PTGFRN: variants seen among roughly 807,000 people sequenced by gnomAD.
The protein encoded by PTGFRN is prostaglandin F2 receptor negative regulator.
PTGFRN carries 35 observed loss-of-function variants against 83.2 expected under a neutral mutation model. The observed-to-expected ratio is 0.42, with a 90% CI of 0.32 to 0.56. PTGFRN has a LOEUF of 0.56. Ranked by LOEUF, PTGFRN falls within the 20% of genes least tolerant of loss-of-function variation. The pLI is 0.11. For synonymous variants in PTGFRN, 519 were observed against 498.6 expected, an observed-to-expected ratio of 1.04 and a Z score of -0.55; for missense variants, 1,051 against 1,179.5, an observed-to-expected ratio of 0.89 and a Z score of 1.60.
At chr1:116,939,066 C>T (rs1479644135) in intron 1 of PTGFRN, among the ~76,000 whole-genome samples, 2 of 152,246 alleles carry the variant, frequency 1.3e-5, no homozygotes, top group African/African-American at 4.8e-5. Context: ...AGGGTACTGC[C>T]TCCCTCCCGG....
chr1:116,923,902 C>T lies in PTGFRN; in HGVS notation c.49+13650C>T, dbSNP rs1649593699. ...ACCTAAAAACATAGATCGACACAGT[C>T]CTTTGACTCCTCCAGCAACCAGTCT... On this transcript the variant is annotated intron_variant, in intron 1 of 8. Transcript: ENST00000393203. The surrounding 1 kb of genome is among the most constrained non-coding windows in gnomAD (Gnocchi z 4.0). Among the ~76,000 whole-genome samples the T allele has an allele frequency of 6.6e-6, 1 of 152,186 alleles. No homozygotes were observed. Among genetic ancestry groups the T allele is most frequent in the African/African-American group, 2.4e-5 (1 of 41,522 alleles).
intron 1 of PTGFRN, among the ~76,000 whole-genome samples, chr1:116,920,360 C>G (rs1649507879): frequency 6.6e-6 from 1 of 152,212 alleles, no homozygotes; most frequent in African/African-American, 2.4e-5. Flanking sequence ...CGTATCATTA[C>G]CAATTTTCTT....
chr1:116,960,746 G>A (rs1170485449), intron 4 of PTGFRN, among the ~76,000 whole-genome samples: 1 of 152,184 alleles, frequency 6.6e-6, no homozygotes, highest in East Asian at 1.9e-4. Context: ...GCATGGCCAA[G>A]GATGACAGGA....
rs1243683216 is a variant in PTGFRN, at chr1:116,958,250, G to C, written c.1214-2993G>C. On this transcript the variant is annotated intron_variant, in intron 4 of 8. Transcript: ENST00000393203. This position sits in a 1 kb window ranked among gnomAD's most constrained non-coding sequence, Gnocchi z 4.9. ...GTTTTGGATCACACTGGTCAGTCAG[G>C]CTGAGGCGAGGGCCTGCAGGGAGCT... Among the ~76,000 whole-genome samples, 1 of 152,210 alleles carries C rather than the reference G, an allele frequency of 6.6e-6. No homozygotes were observed. The highest frequency in any genetic ancestry group is 6.5e-5 in the Admixed American group (1 of 15,284).
chr1:116,983,498 CAAAAAAAAAAAA>C (rs71096893), intron 7 of PTGFRN, among the ~76,000 whole-genome samples: 2 of 104,036 alleles, frequency 1.9e-5, no homozygotes, highest in African/African-American at 7.3e-5. Context: ...ACACTGGGAA[CAAAAAAAAAAAA>C]AAAAAAAAAA....
chr1:116,911,173 C>T (rs535815148), intron 1 of PTGFRN, among the ~76,000 whole-genome samples: 17 of 152,282 alleles, frequency 1.1e-4, no homozygotes, highest in Admixed American at 6.5e-4. Context: ...ACCCCAGGGC[C>T]GACTCTTAAA....
chr1:116,958,477 C>T lies in PTGFRN; in HGVS notation c.1214-2766C>T, dbSNP rs1650558087. 6.6e-6 allele frequency among the ~76,000 whole-genome samples: 1 copy of T among 152,174 alleles called. No homozygotes were observed. Among genetic ancestry groups the T allele is most frequent in the Non-Finnish European group, 1.5e-5 (1 of 68,038 alleles). The stretch of plus-strand genomic sequence containing the variant: ...TCCGTTCCCATCTGCCACTTTTGAA[C>T]TGTGTGGCCAAGTCACTAACTTCTT... On this transcript the variant is annotated intron_variant, in intron 4 of 8. Transcript: ENST00000393203. The surrounding 1 kb of genome is among the most constrained non-coding windows in gnomAD (Gnocchi z 4.9).
At chr1:116,925,617 C>G (rs1289282231) in intron 1 of PTGFRN, among the ~76,000 whole-genome samples, 2 of 152,104 alleles carry the variant, frequency 1.3e-5, no homozygotes, top group Non-Finnish European at 2.9e-5. Flanking sequence ...AGTCTAACAT[C>G]ATAGATGAAT....
rs1649231762 is a variant in PTGFRN, at chr1:116,910,262, C to CGCGGGGCTCA, written c.49+18_49+27dup. ...GCGCTCCTGTCGTTGGGTGAGTGTG[C>CGCGGGGCTCA]GCGGGGCTCAGCGGGGCACACGGGG... is the stretch of plus-strand genomic sequence containing the variant. On this transcript the variant is annotated intron_variant, in intron 1 of 8. Transcript: ENST00000393203. 3.5e-6 allele frequency: 5 copies of CGCGGGGCTCA among 1,427,562 alleles called. No homozygotes were observed. Among genetic ancestry groups the CGCGGGGCTCA allele is most frequent in the Non-Finnish European group, 3.6e-6 (4 of 1,097,764 alleles). The allele number at this position is 1,427,562 out of a possible 1,614,324, so 88.4% of individuals were successfully genotyped here. A position where few individuals can be genotyped will look rare whatever the true frequency, so the allele number is the denominator to read the frequency against.
chr1:116,982,327 A>G lies in PTGFRN; in HGVS notation c.2168-2353A>G, dbSNP rs1256114154. ...GGTAGCTGTTATCTTTCAGATCACA[A>G]TTTTCCAGAATTTTGCACTCTTGGA... On this transcript the variant is annotated intron_variant, in intron 7 of 8. Transcript: ENST00000393203. Among the ~76,000 whole-genome samples the G allele has an allele frequency of 3.3e-5, 5 of 152,100 alleles. No homozygotes were observed. The South Asian group carries it at 8.3e-4, about 25-fold the overall frequency.
At chr1:116,946,923 A>C (rs1650215632) in intron 3 of PTGFRN, among the ~76,000 whole-genome samples, 1 of 152,250 alleles carries the variant, frequency 6.6e-6, no homozygotes, top group Non-Finnish European at 1.5e-5. Context: ...ATGATATTTC[A>C]GGATATCTGC....
At chr1:116,963,774 A>ATTT (rs35747028) in intron 5 of PTGFRN, among the ~76,000 whole-genome samples, 3 of 142,616 alleles carry the variant, frequency 2.1e-5, no homozygotes, top group African/African-American at 7.8e-5. Context: ...CATTCAGCTA[A>ATTT]TTTTTTTTTT....
chr1:116,967,173 G>A lies in PTGFRN; in HGVS notation c.1902G>A (p.Gln634=), dbSNP rs773973433. ...ATGGCGTTGTTTTAGAAAAAGTGCA[G>A]GAGGATGAGTTCCGCTATCGAATGT... The part of the protein sequence containing the change: ...RVDGVVLEKV[Q]EDEFRYRMYQ... Residue 634 remains glutamine, a synonymous_variant, in exon 6 of 9, where the codon CAG becomes CAA. Coordinates refer to ENST00000393203, the MANE Select transcript of PTGFRN (RefSeq NM_020440.4). 1.9e-6 allele frequency: 3 copies of A among 1,614,198 alleles called. No homozygotes were observed. The South Asian group carries it at 3.3e-5, about 18-fold the overall frequency.
At chr1:116,971,447 T>C (rs999325789) in intron 6 of PTGFRN, among the ~76,000 whole-genome samples, 31 of 152,214 alleles carry the variant, frequency 2.0e-4, no homozygotes, top group African/African-American at 5.5e-4. Context: ...AGACTAGGAA[T>C]TGGGGGACCC....
chr1:116,949,156 C>G (rs1246125269), intron 3 of PTGFRN, 36 bp from the exon 4 acceptor site: 9 of 1,530,870 alleles, frequency 5.9e-6, no homozygotes, highest in Non-Finnish European at 7.9e-6. Context: ...CAAACATAAT[C>G]AGATTACCTA....
In PTGFRN at chr1:116,986,911, G is replaced by A; in HGVS notation, c.2584G>A (p.Glu862Lys). Reference sequence around the variant, plus strand: ...CAGCTCCCACTGGTGTTGTAAGAAGGAGGTTCAGGAGACACGGCGCGAGCG... The same window carrying A: ...CAGCTCCCACTGGTGTTGTAAGAAGAAGGTTCAGGAGACACGGCGCGAGCG... ...YCSSHWCCKK[E>K]VQETRRERRR... Residue 862 changes from glutamate to lysine, a missense_variant, in exon 9 of 9, where the codon GAG becomes AAG. Physicochemically the swap from Glu to Lys is moderately conservative, Grantham distance 56. Coordinates refer to ENST00000393203, the MANE Select transcript of PTGFRN (RefSeq NM_020440.4). The A allele has an allele frequency of 1.2e-6, 2 of 1,614,266 alleles. No homozygotes were observed. Among genetic ancestry groups the A allele is most frequent in the Non-Finnish European group, 1.7e-6 (2 of 1,180,046 alleles).
intron 6 of PTGFRN, among the ~76,000 whole-genome samples, chr1:116,971,676 T>A (rs940560827): frequency 6.6e-6 from 1 of 152,208 alleles, no homozygotes; most frequent in Non-Finnish European, 1.5e-5. Flanking sequence ...GCAGGCCTTT[T>A]CCCCAGTCCT....
chr1:116,943,423 C>T (rs1428338808), intron 2 of PTGFRN, among the ~76,000 whole-genome samples: 1 of 152,212 alleles, frequency 6.6e-6, no homozygotes, highest in Non-Finnish European at 1.5e-5. Context: ...CCCCCACCCG[C>T]ACCCCACTTC....
chr1:116,930,086 T>A (rs1489567030), intron 1 of PTGFRN, among the ~76,000 whole-genome samples: 2 of 152,158 alleles, frequency 1.3e-5, no homozygotes, highest in Non-Finnish European at 2.9e-5. Context: ...ATAGTAGGAG[T>A]CTGCTTTAGA....
Sources: gnomAD v4.1 joint callset for allele counts (sites outside exome capture counted in the v4.1 genomes callset) on GRCh38, gnomAD v4.1.1 for gene constraint, Gnocchi (gnomAD v3.1) non-coding constraint, MANE v1.5 for transcripts, NCBI Gene and HGNC (gene_info 2026-07-23, HGNC 2026-07-21) for gene names.